HS3ST4: variants seen among roughly 807,000 people sequenced by gnomAD.
HS3ST4 encodes heparan sulfate-glucosamine 3-sulfotransferase 4, also known as heparan sulfate glucosamine 3-O-sulfotransferase 4.
A neutral mutation model predicts 29.2 loss-of-function variants in HS3ST4; 17 were observed. The ratio of observed to expected loss-of-function variants is 0.58; its 90% CI spans 0.40 to 0.87. HS3ST4 has a LOEUF of 0.87. HS3ST4 is among the 40% of genes least tolerant of loss of function. HS3ST4 has a pLI of 0.00. For missense variants in HS3ST4, 627 were observed against 634.5 expected, an observed-to-expected ratio of 0.99 and a Z score of 0.13; for synonymous variants, 314 against 285.7, an observed-to-expected ratio of 1.10 and a Z score of -1.00.
intron 1 of HS3ST4, among the ~76,000 whole-genome samples, chr16:25,918,604 C>G (rs904894730): frequency 6.6e-6 from 1 of 152,216 alleles, no homozygotes; most frequent in Non-Finnish European, 1.5e-5. Flanking sequence ...AGGATGAAGG[C>G]AGGTCTCCAG....
chr16:25,728,293 C>A (rs184217618), intron 1 of HS3ST4, among the ~76,000 whole-genome samples: 7 of 152,240 alleles, frequency 4.6e-5, no homozygotes, highest in Admixed American at 4.6e-4. Flanking sequence ...AGCCACTGTG[C>A]CTGGCCTGTA....
chr16:25,710,300 G>A (rs1015794930), intron 1 of HS3ST4, among the ~76,000 whole-genome samples: 11 of 152,176 alleles, frequency 7.2e-5, no homozygotes, highest in African/African-American at 2.7e-4. Flanking sequence ...ATGTGTGTGT[G>A]TGAGAAAATT....
chr16:25,824,574 T>C (rs1432767282), intron 1 of HS3ST4: 1 of 152,108 alleles, frequency 6.6e-6, no homozygotes, highest in Non-Finnish European at 1.5e-5. Flanking sequence ...GAGAACAGCA[T>C]GGGGAAGACC....
At chr16:25,845,337 T>C (rs9934703) in intron 1 of HS3ST4, among the ~76,000 whole-genome samples, 44,475 of 151,994 alleles carry the variant, frequency 0.29, 6,961 homozygotes, top group Admixed American at 0.35. Flanking sequence ...GGTGAAACCC[T>C]GTATCTACTA....
At position 25,960,192 on chromosome 16, in the gene HS3ST4, G is replaced by C. The variant is rs117007028; in HGVS notation, c.735-175420G>C. ...TCTCCCTTGCTCACTCTCTGGCCAT[G>C]TGACATACCTGCTCCCCCTTCTCCT... On this transcript the variant is annotated intron_variant, in intron 1 of 1. Coordinates refer to ENST00000331351, the MANE Select transcript of HS3ST4 (RefSeq NM_006040.3). Among the ~76,000 whole-genome samples, 956 of 152,194 alleles carry C rather than the reference G, an allele frequency of 6.3e-3. 5 individuals are homozygous for C. Among genetic ancestry groups the C allele is most frequent in the Non-Finnish European group, 0.011 (745 of 67,992 alleles).
intron 1 of HS3ST4, among the ~76,000 whole-genome samples, chr16:26,036,987 A>T (rs1285013477): frequency 1.3e-5 from 2 of 152,232 alleles, no homozygotes; most frequent in African/African-American, 2.4e-5. Context: ...AACCAGCTCC[A>T]AGACTTTTCC....
intron 1 of HS3ST4, among the ~76,000 whole-genome samples, chr16:25,722,710 GACTGCATGA>G (rs1320198285): frequency 6.6e-6 from 1 of 152,154 alleles, no homozygotes; most frequent in Non-Finnish European, 1.5e-5. Context: ...TGTGGTTATT[GACTGCATGA>G]CCTGCTGGCT....
chr16:25,724,112 C>CAAAAAAAAAAAAAAAAAAAAAAAA (rs56115380), intron 1 of HS3ST4, among the ~76,000 whole-genome samples: 1 of 77,266 alleles, frequency 1.3e-5, no homozygotes, highest in Non-Finnish European at 2.4e-5. Flanking sequence ...GACTCCATCT[C>CAAAAAAAAAAAAAAAAAAAAAAAA]AAAAAAAAAA....
At chr16:25,754,847 C>T (rs1412014401) in intron 1 of HS3ST4, among the ~76,000 whole-genome samples, 2 of 151,540 alleles carry the variant, frequency 1.3e-5, no homozygotes, top group Non-Finnish European at 2.9e-5. Flanking sequence ...CAAACCATAT[C>T]ACCATCCATC....
chr16:26,022,459 C>T (rs1324605289), intron 1 of HS3ST4, among the ~76,000 whole-genome samples: 2 of 152,170 alleles, frequency 1.3e-5, no homozygotes, highest in Non-Finnish European at 1.5e-5. Flanking sequence ...AAATCAAGGG[C>T]CCACAGTCTT....
At chr16:25,900,083 G>T (rs1158644871) in intron 1 of HS3ST4, among the ~76,000 whole-genome samples, 9 of 152,202 alleles carry the variant, frequency 5.9e-5, no homozygotes, top group Admixed American at 1.3e-4. Flanking sequence ...ATTCTTAACA[G>T]ATAGTTTAAC....
chr16:25,722,698 G>A (rs2141590152), intron 1 of HS3ST4, among the ~76,000 whole-genome samples: 1 of 152,286 alleles, frequency 6.6e-6, no homozygotes, highest in East Asian at 1.9e-4. Flanking sequence ...CAACTGCTTG[G>A]CTGTGGTTAT....
At chr16:25,863,624 G>C (rs909324556) in intron 1 of HS3ST4, among the ~76,000 whole-genome samples, 8 of 152,192 alleles carry the variant, frequency 5.3e-5, no homozygotes, top group Non-Finnish European at 8.8e-5. Context: ...TGCTTGAAGA[G>C]ATCAGGACAC....
intron 1 of HS3ST4, among the ~76,000 whole-genome samples, chr16:26,097,501 A>G (rs1238364560): frequency 6.6e-6 from 1 of 152,258 alleles, no homozygotes; most frequent in Non-Finnish European, 1.5e-5. Flanking sequence ...CCTATTTAAT[A>G]AATAGTGCTG....
At chr16:25,945,361 C>G (rs1968614812) in intron 1 of HS3ST4, among the ~76,000 whole-genome samples, 2 of 152,112 alleles carry the variant, frequency 1.3e-5, no homozygotes, top group South Asian at 4.1e-4. Context: ...GCATAATATT[C>G]CATAGATGAC....
At position 25,692,775 on chromosome 16, in the gene HS3ST4, G is replaced by GC; in HGVS notation, c.363dup (p.Gly122ArgfsTer148). ...GCCCGAGCCCCCAGAGCAGCCAGCC[G>GC]CCCCCGGGACCGACGGCTGGGGGCT... On this transcript the variant is annotated frameshift_variant, in exon 1 of 2. Coordinates refer to ENST00000331351, the MANE Select transcript of HS3ST4 (RefSeq NM_006040.3). LOFTEE classifies it high-confidence loss of function. The GC allele has an allele frequency of 1.5e-6, 2 of 1,341,986 alleles. No homozygotes were observed. Among genetic ancestry groups the GC allele is most frequent in the Non-Finnish European group, 1.9e-6 (2 of 1,055,974 alleles). 83.1% of individuals were successfully genotyped at this position (1,341,986 alleles called of 1,614,324 possible).
intron 1 of HS3ST4, among the ~76,000 whole-genome samples, chr16:26,010,076 A>C (rs1449983471): frequency 6.6e-6 from 1 of 152,230 alleles, no homozygotes; most frequent in Non-Finnish European, 1.5e-5. Context: ...ATAAGGATCC[A>C]AGATGAGTTA....
At chr16:25,728,151 G>A (rs536447325) in intron 1 of HS3ST4, among the ~76,000 whole-genome samples, 27 of 152,152 alleles carry the variant, frequency 1.8e-4, no homozygotes, top group Admixed American at 5.9e-4. Flanking sequence ...ACAGGCACGC[G>A]CCATCACACC....
At chr16:25,772,157 G>T (rs1436366649) in intron 1 of HS3ST4, among the ~76,000 whole-genome samples, 1 of 152,212 alleles carries the variant, frequency 6.6e-6, no homozygotes, top group South Asian at 2.1e-4. Flanking sequence ...GACCCTTATT[G>T]TAGAGTATTC....
Sources: gnomAD v4.1 joint callset for allele counts (sites outside exome capture counted in the v4.1 genomes callset) on GRCh38, gnomAD v4.1.1 for gene constraint, MANE v1.5 for transcripts, NCBI Gene and HGNC (gene_info 2026-07-23, HGNC 2026-07-21) for gene names.